FOXN2: variants seen among roughly 807,000 people sequenced by gnomAD.
The protein encoded by FOXN2 is forkhead box protein N2.
Under a neutral mutation model 41.2 loss-of-function variants are expected in FOXN2, and 19 were observed. That is an observed-to-expected ratio of 0.46 (90% CI 0.32 to 0.68). The LOEUF is 0.68. FOXN2 is among the 30% of genes least tolerant of loss of function. The probability of loss-of-function intolerance (pLI) is 0.03; values close to 1 mark genes in which losing one functional copy is unlikely to be tolerated. For missense variants in FOXN2, 587 were observed against 509.4 expected (o/e 1.15, Z -1.47); for synonymous variants, 195 against 176.8 (o/e 1.10, Z -0.82).
chr2:48,367,032 A>C (rs1247395025), intron 5 of FOXN2, among the ~76,000 whole-genome samples: 2 of 152,176 alleles, frequency 1.3e-5, no homozygotes, highest in Non-Finnish European at 2.9e-5. Flanking sequence ...CTAAAGGGAG[A>C]GATTAGGCTT....
intron 1 of FOXN2, among the ~76,000 whole-genome samples, chr2:48,320,834 A>G (rs1669264307): frequency 6.6e-6 from 1 of 152,340 alleles, no homozygotes; most frequent in East Asian, 1.9e-4. Context: ...TAATATTTAT[A>G]GAATGCTTAC....
chr2:48,371,394 C>G (rs1225294864), intron 5 of FOXN2, among the ~76,000 whole-genome samples: 1 of 150,944 alleles, frequency 6.6e-6, no homozygotes, highest in Admixed American at 6.6e-5. Context: ...AAGACTGTCT[C>G]CAAAAAAAAA....
intron 5 of FOXN2, among the ~76,000 whole-genome samples, chr2:48,367,531 A>C (rs975561801): frequency 2.0e-5 from 3 of 152,246 alleles, no homozygotes; most frequent in African/African-American, 7.2e-5. Flanking sequence ...TCTACTTCAG[A>C]GAATTACAAG....
intron 1 of FOXN2, among the ~76,000 whole-genome samples, chr2:48,322,590 G>T (rs1421051598): frequency 6.6e-6 from 1 of 151,630 alleles, no homozygotes; most frequent in Non-Finnish European, 1.5e-5. Context: ...GTTTCTCTAA[G>T]ATTTTATCCA....
At chr2:48,337,035 C>G (rs893707814) in intron 2 of FOXN2, among the ~76,000 whole-genome samples, 5 of 150,708 alleles carry the variant, frequency 3.3e-5, no homozygotes, top group African/African-American at 1.2e-4. Context: ...ATTGTGCTAT[C>G]AAATAGTAGG....
At chr2:48,369,198 G>C (rs891519886) in intron 5 of FOXN2, among the ~76,000 whole-genome samples, 13 of 152,142 alleles carry the variant, frequency 8.5e-5, no homozygotes, top group African/African-American at 3.1e-4. Context: ...TTTAGGTGTT[G>C]TGTTTCAAAA....
At chr2:48,366,680 T>C (rs1672556702) in intron 5 of FOXN2, among the ~76,000 whole-genome samples, 1 of 152,140 alleles carries the variant, frequency 6.6e-6, no homozygotes, top group African/African-American at 2.4e-5. Context: ...ATTTAATCCT[T>C]AAAACAACCC....
chr2:48,343,966 T>C (rs1483073552), intron 2 of FOXN2, among the ~76,000 whole-genome samples: 1 of 152,152 alleles, frequency 6.6e-6, no homozygotes, highest in African/African-American at 2.4e-5. Context: ...GGAAGATAGA[T>C]GGAGATTTAA....
At chr2:48,374,760 C>G (rs2104546334) in intron 6 of FOXN2, among the ~76,000 whole-genome samples, 160 bp from the exon 7 acceptor site, 1 of 152,124 alleles carries the variant, frequency 6.6e-6, no homozygotes, top group African/African-American at 2.4e-5. Context: ...CAAATTAATG[C>G]TTGCAAAATG....
At chr2:48,371,428 A>G (rs902151402) in intron 5 of FOXN2, among the ~76,000 whole-genome samples, 4 of 152,030 alleles carry the variant, frequency 2.6e-5, no homozygotes, top group African/African-American at 9.7e-5. Context: ...AAATATGTCA[A>G]TTAATGTCCA....
At chr2:48,373,995 C>A (rs903954367) in intron 6 of FOXN2, among the ~76,000 whole-genome samples, 1 of 149,418 alleles carries the variant, frequency 6.7e-6, no homozygotes, top group Non-Finnish European at 1.5e-5. Flanking sequence ...GTGGGGGTTG[C>A]AGTGAGCCAT....
At chr2:48,339,205 A>G (rs987032748) in intron 2 of FOXN2, among the ~76,000 whole-genome samples, 1 of 152,174 alleles carries the variant, frequency 6.6e-6, no homozygotes, top group Non-Finnish European at 1.5e-5. Flanking sequence ...TAAAACTGCA[A>G]GGAGATGCAG....
chr2:48,330,949 G>A (rs2104221802), intron 2 of FOXN2, among the ~76,000 whole-genome samples: 1 of 152,262 alleles, frequency 6.6e-6, no homozygotes, highest in Non-Finnish European at 1.5e-5. Flanking sequence ...CATGGAACCG[G>A]CTACAGTCTT....
chr2:48,335,057 G>A (rs949292093), intron 2 of FOXN2, among the ~76,000 whole-genome samples: 11 of 151,984 alleles, frequency 7.2e-5, no homozygotes, highest in Admixed American at 6.6e-4. Flanking sequence ...AATTCCCATT[G>A]GTAAAGTTCT....
In FOXN2 at chr2:48,373,338, T is replaced by C. The variant is rs1237320705; in HGVS notation, c.750T>C (p.Ser250=). The C allele has an allele frequency of 3.8e-6, 6 of 1,585,244 alleles. No homozygotes were observed. Among genetic ancestry groups the C allele is most frequent in the East Asian group, 2.3e-5 (1 of 43,832 alleles). ...CTGCAATGATGCTTTTAAATACTTC[T>C]ATAGAACAAGGAATTTTAGAATGTA... is the stretch of plus-strand genomic sequence containing the variant. ...AAAAMMLLNT[S]IEQGILECEK... Residue 250 remains serine, a synonymous_variant, in exon 6 of 7, where the codon TCT becomes TCC. Transcript: ENST00000340553.
chr2:48,315,652 A>C (rs747877304), intron 1 of FOXN2, among the ~76,000 whole-genome samples: 2 of 152,188 alleles, frequency 1.3e-5, no homozygotes, highest in East Asian at 3.9e-4. Flanking sequence ...GGAACCCGGC[A>C]GGACGGTGGT....
chr2:48,341,129 T>C (rs1391714501), intron 2 of FOXN2, among the ~76,000 whole-genome samples: 1 of 152,154 alleles, frequency 6.6e-6, no homozygotes, highest in African/African-American at 2.4e-5. Flanking sequence ...TTCATTGAAA[T>C]ACTGTTCTTA....
At chr2:48,346,876 A>G (rs1209600981) in intron 3 of FOXN2, 125 bp downstream of exon 3, 1 of 697,570 alleles carries the variant, frequency 1.4e-6, no homozygotes, top group Admixed American at 3.4e-5. Flanking sequence ...GCTGAACTGA[A>G]TTATATTCAT....
At chr2:48,365,289 A>G (rs1558638297) in intron 5 of FOXN2, among the ~76,000 whole-genome samples, 1 of 152,210 alleles carries the variant, frequency 6.6e-6, no homozygotes, top group African/African-American at 2.4e-5. Flanking sequence ...ATCTGTTTCA[A>G]ATAATGTTCT....
Sources: allele counts gnomAD v4.1 joint callset (sites outside exome capture counted in the v4.1 genomes callset), GRCh38; gene constraint gnomAD v4.1.1; transcripts MANE v1.5; gene names NCBI Gene and HGNC (gene_info 2026-07-23, HGNC 2026-07-21).